Variants in HPSE2 observed in about 807,000 individuals in gnomAD.
HPSE2 encodes heparanase 2 (inactive).
In HPSE2, 38 loss-of-function variants were observed where a neutral mutation model predicts 60.5. That is an observed-to-expected ratio of 0.63 (90% CI 0.48 to 0.82). The LOEUF is 0.82. Ranked by LOEUF, HPSE2 falls within the 40% of genes least tolerant of loss-of-function variation. HPSE2 has a pLI of 0.00. For synonymous variants in HPSE2, 295 were observed against 293.2 expected (o/e 1.01, Z -0.06); for missense variants, 713 against 740.4 (o/e 0.96, Z 0.43).
chr10:98,582,515 G>C (rs1352993253), intron 9 of HPSE2, among the ~76,000 whole-genome samples: 2 of 152,182 alleles, frequency 1.3e-5, no homozygotes, highest in Admixed American at 6.5e-5. Context: ...GCTAGGGCAA[G>C]ACCAGGCAGT....
intron 9 of HPSE2, among the ~76,000 whole-genome samples, chr10:98,575,184 A>AT (rs1944609121): frequency 6.6e-6 from 1 of 152,160 alleles, no homozygotes; most frequent in African/African-American, 2.4e-5. Flanking sequence ...ATTTACCTTC[A>AT]TTTTCAATAG....
At chr10:98,711,249 G>GA (rs1948669784) in intron 5 of HPSE2, among the ~76,000 whole-genome samples, 1 of 152,000 alleles carries the variant, frequency 6.6e-6, no homozygotes, top group Admixed American at 6.6e-5. Flanking sequence ...GAAATGATTT[G>GA]ACCTGGCTGT....
intron 9 of HPSE2, among the ~76,000 whole-genome samples, chr10:98,501,530 C>A (rs1490760045): frequency 6.6e-6 from 1 of 152,110 alleles, no homozygotes; most frequent in Non-Finnish European, 1.5e-5. Flanking sequence ...CCAGCAAAAT[C>A]AGTATACAAG....
chr10:98,613,146 GCT>G (rs1945807946), intron 9 of HPSE2, among the ~76,000 whole-genome samples: 1 of 152,146 alleles, frequency 6.6e-6, no homozygotes, highest in Non-Finnish European at 1.5e-5. Flanking sequence ...CCCAAGCAGT[GCT>G]CTCTTATTTG....
chr10:98,607,341 G>A (rs181390927), intron 9 of HPSE2, among the ~76,000 whole-genome samples: 1 of 152,256 alleles, frequency 6.6e-6, no homozygotes, highest in African/African-American at 2.4e-5. Context: ...TAATCCCTCA[G>A]TATTGCAATC....
rs113491595 is a variant in HPSE2, at chr10:98,527,489, C to T, written c.1321-37293G>A. 7.3e-3 allele frequency among the ~76,000 whole-genome samples: 1,109 copies of T among 152,226 alleles called. 12 individuals are homozygous for T. The highest frequency in any genetic ancestry group is 0.023 in the African/African-American group (943 of 41,532). On this transcript the variant is annotated intron_variant, in intron 9 of 11. Coordinates refer to ENST00000370552, the MANE Select transcript of HPSE2 (RefSeq NM_021828.5). ...TCCCTTCTAAGGCCCCTGCGCAAGA[C>T]GGTGCTTCCTCTAGCTCCTCAAGAG...
At chr10:98,868,078 A>T (rs866899475) in intron 3 of HPSE2, among the ~76,000 whole-genome samples, 10 of 140,270 alleles carry the variant, frequency 7.1e-5, no homozygotes, top group Non-Finnish European at 1.2e-4. Context: ...AGAAAGAAAG[A>T]AAATAAATAA....
chr10:98,689,056 T>C (rs1948006172), intron 6 of HPSE2, among the ~76,000 whole-genome samples: 2 of 152,166 alleles, frequency 1.3e-5, no homozygotes, highest in African/African-American at 2.4e-5. Flanking sequence ...TTGAGTATAA[T>C]GTGCCCAGAT....
Position 98,546,130 on chromosome 10 carries a change from G to A in HPSE2, c.1321-55934C>T, listed in dbSNP as rs71486164. ...AGGACCTCTTCAAGGAGAACTACAA[G>A]CCACTGCTCAATGAAATAAAAGAGG... On this transcript the variant is annotated intron_variant, in intron 9 of 11. Transcript: ENST00000370552. Among the ~76,000 whole-genome samples the A allele has an allele frequency of 1.8e-4, 24 of 133,214 alleles. 2 individuals are homozygous for A. The highest frequency in any genetic ancestry group is 5.1e-4 in the African/African-American group (20 of 39,290). The allele number at this position is 133,214 out of a possible 152,430, so 87.4% of individuals were successfully genotyped here.
chr10:99,293,144 A>T, the HPSE2 span, among the ~76,000 whole-genome samples: 1 of 152,154 alleles, frequency 6.6e-6, no homozygotes, highest in African/African-American at 2.4e-5. Flanking sequence ...TCACACATAC[A>T]TCTATCTGAA....
chr10:98,713,216 T>C (rs1948715463), intron 5 of HPSE2, among the ~76,000 whole-genome samples: 1 of 152,018 alleles, frequency 6.6e-6, no homozygotes, highest in Non-Finnish European at 1.5e-5. Context: ...AGCTCATTCA[T>C]TGTAAAGCCC....
chr10:98,808,757 T>G (rs1469000775), intron 3 of HPSE2, among the ~76,000 whole-genome samples: 1 of 152,162 alleles, frequency 6.6e-6, no homozygotes, highest in Non-Finnish European at 1.5e-5. Context: ...TTTTACAGTC[T>G]CTATATAAAG....
chr10:98,886,908 C>T (rs183471695), intron 3 of HPSE2, among the ~76,000 whole-genome samples: 31 of 152,124 alleles, frequency 2.0e-4, no homozygotes, highest in African/African-American at 7.0e-4. Context: ...GTATTATTTG[C>T]AATGAGTTAT....
chr10:98,755,859 A>G (rs1949866832), intron 3 of HPSE2, among the ~76,000 whole-genome samples: 1 of 151,940 alleles, frequency 6.6e-6, no homozygotes, highest in Non-Finnish European at 1.5e-5. Flanking sequence ...AGTTGGGCGT[A>G]GTAGCACATG....
rs375874560 is a variant in HPSE2, at chr10:98,942,771, T to C, written c.611-198715A>G. Among the ~76,000 whole-genome samples, 777 of 152,078 alleles carry C rather than the reference T, an allele frequency of 5.1e-3. 6 individuals are homozygous for C. Among genetic ancestry groups the C allele is most frequent in the Middle Eastern group, 0.01 (3 of 294 alleles). On this transcript the variant is annotated intron_variant, in intron 3 of 11. Transcript: ENST00000370552. ...ACTATAAATCATGCTGCTATAAAGA[T>C]ACATGCACACGTATGTTTATTGCGG...
At chr10:98,561,084 G>T (rs1374241281) in intron 9 of HPSE2, among the ~76,000 whole-genome samples, 2 of 152,040 alleles carry the variant, frequency 1.3e-5, no homozygotes, top group Non-Finnish European at 2.9e-5. Flanking sequence ...TATAGGAAGT[G>T]AGAGCTCCAG....
chr10:98,924,160 A>G (rs1404075105), intron 3 of HPSE2, among the ~76,000 whole-genome samples: 1 of 152,186 alleles, frequency 6.6e-6, no homozygotes, highest in African/African-American at 2.4e-5. Context: ...ATCCAGAAGA[A>G]TGCTCTGGAT....
chr10:99,144,113 A>T, intron 3 of HPSE2, 125 bp downstream of exon 3: 1 of 955,054 alleles, frequency 1.0e-6, no homozygotes, highest in Non-Finnish European at 1.6e-6. Context: ...GAATATTTGT[A>T]ATAGAAAGAC....
chr10:99,141,452 T>C (rs1845863854), intron 3 of HPSE2, among the ~76,000 whole-genome samples: 1 of 152,120 alleles, frequency 6.6e-6, no homozygotes, highest in Non-Finnish European at 1.5e-5. Context: ...ACCATTGACA[T>C]GAAAACATTA....
Sources: allele counts gnomAD v4.1 joint callset (sites outside exome capture counted in the v4.1 genomes callset), GRCh38; gene constraint gnomAD v4.1.1; transcripts MANE v1.5; gene names NCBI Gene and HGNC (gene_info 2026-07-23, HGNC 2026-07-21).